The following TMEM217 variants were observed in gnomAD, a reference collection of about 807,000 sequenced individuals.
The protein encoded by TMEM217 is chromosome 6 open reading frame 128.
For synonymous variants in TMEM217, 76 were observed against 88.3 expected (o/e 0.86, Z 0.78); for missense variants, 204 against 248.8 (o/e 0.82, Z 1.21).
downstream of TMEM217, among the ~76,000 whole-genome samples, chr6:37,215,994 G>GGTGTGTGT (rs60725183): frequency 5.8e-4 from 86 of 149,182 alleles, no homozygotes; most frequent in Middle Eastern, 0.01. Flanking sequence ...GGTTCTTCAG[G>GGTGTGTGT]GTGTGTGTGT....
At chr6:37,220,030 C>T (rs1564501) in intron 1 of TMEM217, among the ~76,000 whole-genome samples, 55,105 of 151,848 alleles carry the variant, frequency 0.36, 10,218 homozygotes, top group African/African-American at 0.4. Context: ...GAAAATGTAA[C>T]AATGAGCTAA....
chr6:37,250,138 C>T (rs1765318244), intron 1 of TMEM217, among the ~76,000 whole-genome samples: 1 of 152,078 alleles, frequency 6.6e-6, no homozygotes, highest in Admixed American at 6.5e-5. Context: ...CTAAAAGAAG[C>T]AGGCAACAGA....
downstream of TMEM217, chr6:37,212,920 T>A (rs1762987924): frequency 6.5e-7 from 1 of 1,549,888 alleles, no homozygotes; most frequent in Non-Finnish European, 8.7e-7. Context: ...CTGGGTGGTA[T>A]TAAGGACAGA....
chr6:37,257,976 G>A, exon 1 of TMEM217: 1 of 1,614,066 alleles, frequency 6.2e-7, no homozygotes. Context: ...CCGGGGAGGT[G>A]AGCCCAGGAC....
intron 1 of TMEM217, among the ~76,000 whole-genome samples, chr6:37,243,497 C>A (rs1247252653): frequency 6.6e-6 from 1 of 152,190 alleles, no homozygotes; most frequent in Non-Finnish European, 1.5e-5. Context: ...CATGACACTG[C>A]AGTAAAGAAA....
At chr6:37,219,289 A>G (rs185681698) in intron 1 of TMEM217, among the ~76,000 whole-genome samples, 179 of 152,290 alleles carry the variant, frequency 1.2e-3, no homozygotes, top group Non-Finnish European at 2.2e-3. Flanking sequence ...CCCTGGATCC[A>G]CCTTAGAATC....
At chr6:37,247,037 G>A (rs1370211403) in intron 1 of TMEM217, among the ~76,000 whole-genome samples, 2 of 152,198 alleles carry the variant, frequency 1.3e-5, no homozygotes, top group African/African-American at 4.8e-5. Flanking sequence ...TGTGACTAGA[G>A]TGGTCCTTCT....
intron 1 of TMEM217, among the ~76,000 whole-genome samples, chr6:37,234,085 T>C (rs1489204006): frequency 6.8e-6 from 1 of 147,658 alleles, no homozygotes; most frequent in Non-Finnish European, 1.5e-5. Flanking sequence ...GTTTGGTAGG[T>C]TAGGTGTATT....
downstream of TMEM217, among the ~76,000 whole-genome samples, chr6:37,216,032 T>TGTGTGA (rs1159463220): frequency 2.2e-4 from 30 of 138,566 alleles, no homozygotes; most frequent in African/African-American, 7.7e-4. Flanking sequence ...TGTGTGTGTG[T>TGTGTGA]GAGAAACAGA....
At chr6:37,242,151 C>G (rs149230605) in intron 1 of TMEM217, among the ~76,000 whole-genome samples, 1 of 152,164 alleles carries the variant, frequency 6.6e-6, no homozygotes, top group Non-Finnish European at 1.5e-5. Flanking sequence ...GCTTGATGTC[C>G]AGACTTCAGT....
chr6:37,229,134 C>T (rs536912625), intron 1 of TMEM217, among the ~76,000 whole-genome samples: 2 of 152,164 alleles, frequency 1.3e-5, no homozygotes, highest in Non-Finnish European at 2.9e-5. Context: ...TTTATTTCCT[C>T]GTTGATAGTT....
At chr6:37,257,054 C>T (rs1371090503) in intron 1 of TMEM217, among the ~76,000 whole-genome samples, 3 of 152,134 alleles carry the variant, frequency 2.0e-5, no homozygotes, top group East Asian at 3.8e-4. Flanking sequence ...GTGATTCACA[C>T]GATGGAGCAA....
At chr6:37,237,957 T>TG (rs941209234) in intron 1 of TMEM217, among the ~76,000 whole-genome samples, 2 of 152,138 alleles carry the variant, frequency 1.3e-5, no homozygotes, top group Admixed American at 6.5e-5. Context: ...TAAAATGTGT[T>TG]GGGGGTACCA....
intron 1 of TMEM217, among the ~76,000 whole-genome samples, chr6:37,254,668 T>TTC (rs1765617781): frequency 6.6e-6 from 1 of 152,216 alleles, no homozygotes; most frequent in Admixed American, 6.5e-5. Context: ...AATATTTATA[T>TTC]TCTTCCTTCT....
downstream of TMEM217, chr6:37,215,068 A>T: frequency 8.2e-7 from 1 of 1,225,596 alleles, no homozygotes. Flanking sequence ...CACTGGTTCC[A>T]CAGCTCTGCT....
At chr6:37,250,898 T>C (rs1280215514) in intron 1 of TMEM217, among the ~76,000 whole-genome samples, 1 of 152,224 alleles carries the variant, frequency 6.6e-6, no homozygotes, top group Non-Finnish European at 1.5e-5. Flanking sequence ...CCTCTCAAAA[T>C]TGGATTTAGA....
At chr6:37,228,524 T>C (rs1246060948) in intron 1 of TMEM217, among the ~76,000 whole-genome samples, 2 of 152,214 alleles carry the variant, frequency 1.3e-5, no homozygotes, top group Non-Finnish European at 2.9e-5. Context: ...ACCAATATGG[T>C]GAAACCCTGT....
At chr6:37,230,605 G>A (rs957400756) in intron 1 of TMEM217, among the ~76,000 whole-genome samples, 2 of 152,066 alleles carry the variant, frequency 1.3e-5, no homozygotes, top group African/African-American at 2.4e-5. Flanking sequence ...GGTGGTGAGG[G>A]TGGCCATCTA....
intron 1 of TMEM217, among the ~76,000 whole-genome samples, chr6:37,252,728 C>A (rs1324241436): frequency 2.0e-5 from 3 of 150,610 alleles, no homozygotes; most frequent in Non-Finnish European, 3.0e-5. Flanking sequence ...CAACCCCCGC[C>A]TCCTGGGCTC....
Sources: gnomAD v4.1 joint callset for allele counts (sites outside exome capture counted in the v4.1 genomes callset) on GRCh38, gnomAD v4.1.1 for gene constraint, MANE v1.5 for transcripts, NCBI Gene and HGNC (gene_info 2026-07-23, HGNC 2026-07-21) for gene names.